The following METTL25 variants were observed in gnomAD, a reference collection of about 807,000 sequenced individuals.
METTL25 encodes the protein probable methyltransferase-like protein 25.
METTL25 carries 64 observed loss-of-function variants against 71.6 expected under a neutral mutation model. The ratio of observed to expected loss-of-function variants is 0.89; its 90% CI spans 0.73 to 1.10. The LOEUF (loss-of-function observed/expected upper bound fraction) is 1.10. METTL25 is among the 50% of genes least tolerant of loss of function. The probability of loss-of-function intolerance (pLI) is 0.00; values close to 1 mark genes in which losing one functional copy is unlikely to be tolerated. For synonymous variants in METTL25, 287 were observed against 250.3 expected (o/e 1.15, Z -1.38); for missense variants, 807 against 707.0 (o/e 1.14, Z -1.60).
At chr12:82,430,813 G>A in intron 5 of METTL25, 80 bp from the exon 6 acceptor site, 1 of 735,358 alleles carries the variant, frequency 1.4e-6, no homozygotes, top group Non-Finnish European at 2.3e-6. Flanking sequence ...TGACTGATTT[G>A]CTTTCTTGGT....
chr12:82,409,805 A>T (rs1479495916), intron 5 of METTL25, among the ~76,000 whole-genome samples: 1 of 152,084 alleles, frequency 6.6e-6, no homozygotes. Context: ...TCTCCCAAAG[A>T]TTCCTCCATT....
chr12:82,385,274 T>C (rs1884868190), intron 1 of METTL25, among the ~76,000 whole-genome samples: 1 of 152,154 alleles, frequency 6.6e-6, no homozygotes, highest in Non-Finnish European at 1.5e-5. Context: ...ATCTTACTTA[T>C]CTTGCTTTAA....
intron 1 of METTL25, among the ~76,000 whole-genome samples, chr12:82,367,365 G>A (rs995239894): frequency 6.6e-6 from 1 of 151,592 alleles, no homozygotes; most frequent in African/African-American, 2.4e-5. Flanking sequence ...TCTTTCCTTG[G>A]TTTTAAAAAA....
intron 1 of METTL25, among the ~76,000 whole-genome samples, chr12:82,367,741 G>T (rs1339739083): frequency 6.6e-6 from 1 of 152,020 alleles, no homozygotes; most frequent in South Asian, 2.1e-4. Context: ...CCCATCAGTA[G>T]TTCTTCATTT....
At chr12:82,438,630 C>T in intron 7 of METTL25, 88 bp from the exon 8 acceptor site, 1 of 715,316 alleles carries the variant, frequency 1.4e-6, no homozygotes, top group Non-Finnish European at 2.0e-6. Flanking sequence ...AGGTTTCTGA[C>T]AGTCACGTGT....
At chr12:82,374,769 G>A (rs1213948476) in intron 1 of METTL25, among the ~76,000 whole-genome samples, 2 of 152,192 alleles carry the variant, frequency 1.3e-5, no homozygotes, top group African/African-American at 4.8e-5. Context: ...GAAACATGGA[G>A]CAAAGTATTA....
intron 1 of METTL25, among the ~76,000 whole-genome samples, chr12:82,375,945 T>C (rs1490491667): frequency 2.6e-5 from 4 of 152,174 alleles, no homozygotes; most frequent in Non-Finnish European, 5.9e-5. Flanking sequence ...ACCTCTGCCT[T>C]CAAAAATGTA....
At chr12:82,423,335 C>T (rs1888693697) in intron 5 of METTL25, among the ~76,000 whole-genome samples, 2 of 152,112 alleles carry the variant, frequency 1.3e-5, no homozygotes, top group Non-Finnish European at 2.9e-5. Context: ...AACTGGCTAG[C>T]CATATGTAGA....
At chr12:82,443,462 CAAAAAAA>C (rs67737833) in intron 8 of METTL25, among the ~76,000 whole-genome samples, 15 of 96,614 alleles carry the variant, frequency 1.6e-4, no homozygotes, top group African/African-American at 5.7e-4. Context: ...CAGAGGAGAC[CAAAAAAA>C]AAAAAAAAAA....
At chr12:82,383,092 T>C (rs1884599575) in intron 1 of METTL25, among the ~76,000 whole-genome samples, 2 of 152,098 alleles carry the variant, frequency 1.3e-5, no homozygotes, top group African/African-American at 4.8e-5. Flanking sequence ...TAATAAAATA[T>C]AGTATCTTAG....
intron 1 of METTL25, among the ~76,000 whole-genome samples, chr12:82,359,604 T>C (rs1881542004): frequency 6.6e-6 from 1 of 152,208 alleles, no homozygotes; most frequent in South Asian, 2.1e-4. Flanking sequence ...CAACAGATGA[T>C]TGTATCTTGG....
chr12:82,423,848 G>T (rs920594768), intron 5 of METTL25, among the ~76,000 whole-genome samples: 1 of 152,120 alleles, frequency 6.6e-6, no homozygotes, highest in Middle Eastern at 3.2e-3. Context: ...ATCATCTCAC[G>T]CCAGTTAGAA....
intron 9 of METTL25, among the ~76,000 whole-genome samples, chr12:82,472,302 GA>G (rs547601361): frequency 2.0e-5 from 3 of 151,578 alleles, no homozygotes; most frequent in South Asian, 4.2e-4. Context: ...TTTTCGTTTT[GA>G]AAAAAAATTC....
chr12:82,476,902 GTAGAT>G (rs1399780280), intron 10 of METTL25, among the ~76,000 whole-genome samples, 184 bp downstream of exon 10: 1 of 151,754 alleles, frequency 6.6e-6, no homozygotes, highest in Non-Finnish European at 1.5e-5. Context: ...AGAACACATG[GTAGAT>G]TTCTCTTAAA....
Position 82,472,295 on chromosome 12 carries a change from T to C in METTL25, c.1573-4349T>C, listed in dbSNP as rs114262127. Among the ~76,000 whole-genome samples the C allele has an allele frequency of 4.8e-3, 733 of 152,314 alleles. 5 individuals carry two copies. Among genetic ancestry groups the C allele is most frequent in the African/African-American group, 0.016 (683 of 41,566 alleles). On this transcript the variant is annotated intron_variant, in intron 9 of 11. Coordinates refer to ENST00000248306, the MANE Select transcript of METTL25 (RefSeq NM_032230.3). The stretch of plus-strand genomic sequence containing the variant: ...CATCAATAACATTTTTTTGTTTTTT[T>C]CGTTTTGAAAAAAAATTCTTGGGCC...
At chr12:82,453,430 A>G (rs1052016072) in intron 8 of METTL25, among the ~76,000 whole-genome samples, 7 of 152,120 alleles carry the variant, frequency 4.6e-5, no homozygotes, top group Non-Finnish European at 1.0e-4. Context: ...ATATTGACTA[A>G]TAGTTAATAT....
intron 9 of METTL25, among the ~76,000 whole-genome samples, chr12:82,472,134 C>T (rs78626729): frequency 0.082 from 12,441 of 152,066 alleles, 910 homozygotes; most frequent in African/African-American, 0.2. Flanking sequence ...ATATTTAAAC[C>T]TAAGAAGTTT....
intron 5 of METTL25, among the ~76,000 whole-genome samples, chr12:82,424,602 A>G (rs2137119828): frequency 1.3e-5 from 2 of 152,100 alleles, no homozygotes; most frequent in Middle Eastern, 6.8e-3. Flanking sequence ...CTCACAGAAG[A>G]CTATAGGATT....
Position 82,407,874 on chromosome 12 carries a change from A to C in METTL25, c.1279+4744A>C, listed in dbSNP as rs554464070. On this transcript the variant is annotated intron_variant, in intron 5 of 11. Coordinates refer to ENST00000248306, the MANE Select transcript of METTL25 (RefSeq NM_032230.3). ...ATCTCAAAAACCAGATGGAAAAGGT[A>C]ACATACTCCCTTTTCTCTTTCCAAC... 4 of 985,308 alleles carry C rather than the reference A, an allele frequency of 4.1e-6. No homozygotes were observed. In the South Asian group the frequency reaches 1.9e-4, roughly 46 times the overall value. 61.0% of individuals were successfully genotyped at this position (985,308 alleles called of 1,614,324 possible). A position where few individuals can be genotyped will look rare whatever the true frequency, so the allele number is the denominator to read the frequency against.
Sources: gnomAD v4.1 joint callset for allele counts (sites outside exome capture counted in the v4.1 genomes callset) on GRCh38, gnomAD v4.1.1 for gene constraint, MANE v1.5 for transcripts, NCBI Gene and HGNC (gene_info 2026-07-23, HGNC 2026-07-21) for gene names.